ESRRG: variants seen among roughly 807,000 people sequenced by gnomAD.
ESRRG encodes estrogen related receptor gamma, also known as estrogen-related receptor gamma.
Under a neutral mutation model 44.0 loss-of-function variants are expected in ESRRG, and 13 were observed. The ratio of observed to expected loss-of-function variants is 0.30; its 90% CI spans 0.19 to 0.47. The LOEUF (loss-of-function observed/expected upper bound fraction) is 0.47, where lower values mean the gene tolerates loss of function less well. ESRRG is among the 20% of genes least tolerant of loss of function. The pLI is 1.00. For missense variants in ESRRG, 395 were observed against 580.6 expected (o/e 0.68, Z 3.29); for synonymous variants, 215 against 214.6 (o/e 1.00, Z -0.02).
chr1:217,049,943 C>G (rs1384380700), intron 1 of ESRRG, among the ~76,000 whole-genome samples: 2 of 152,182 alleles, frequency 1.3e-5, no homozygotes, highest in Non-Finnish European at 2.9e-5. Context: ...GACACAGATG[C>G]CATCATTCTG....
At chr1:216,809,778 C>A (rs2094912105) in intron 2 of ESRRG, among the ~76,000 whole-genome samples, 1 of 152,116 alleles carries the variant, frequency 6.6e-6, no homozygotes, top group Non-Finnish European at 1.5e-5. Context: ...TAGAGGAGGG[C>A]TCTCTGGAAG....
At chr1:216,638,214 A>C (rs903493741) in intron 3 of ESRRG, among the ~76,000 whole-genome samples, 11 of 152,196 alleles carry the variant, frequency 7.2e-5, no homozygotes, top group African/African-American at 2.7e-4. Flanking sequence ...ATGCTGTACC[A>C]AGAATATTAC....
At chr1:216,551,931 G>A (rs991323136) in intron 5 of ESRRG, among the ~76,000 whole-genome samples, 2 of 152,068 alleles carry the variant, frequency 1.3e-5, no homozygotes, top group Non-Finnish European at 2.9e-5. Context: ...TGTTGGCCAT[G>A]TTCCCCAATC....
chr1:216,706,455 C>T (rs953522549), intron 1 of ESRRG, among the ~76,000 whole-genome samples: 2 of 152,106 alleles, frequency 1.3e-5, no homozygotes, highest in Non-Finnish European at 2.9e-5. Context: ...GCTGTGCCCA[C>T]GTTGCAATAG....
At chr1:216,584,642 T>A (rs1047512469) in intron 3 of ESRRG, among the ~76,000 whole-genome samples, 1 of 152,206 alleles carries the variant, frequency 6.6e-6, no homozygotes. Flanking sequence ...ACTCAAATTA[T>A]TCCAGATTTT....
intron 2 of ESRRG, among the ~76,000 whole-genome samples, chr1:216,819,749 A>T (rs376140161): frequency 6.6e-6 from 1 of 152,124 alleles, no homozygotes; most frequent in African/African-American, 2.4e-5. Context: ...AGTTGTGGAC[A>T]TGGTTTGTTA....
intron 2 of ESRRG, among the ~76,000 whole-genome samples, chr1:216,741,347 T>C (rs969193858): frequency 6.6e-6 from 1 of 150,888 alleles, no homozygotes; most frequent in Non-Finnish European, 1.5e-5. Flanking sequence ...TCTTTATACC[T>C]GTTCACAATC....
chr1:216,771,922 G>T (rs2093401322), intron 2 of ESRRG, among the ~76,000 whole-genome samples: 1 of 151,024 alleles, frequency 6.6e-6, no homozygotes, highest in Non-Finnish European at 1.5e-5. Context: ...ATTATTCAGG[G>T]GCCTGAGTTC....
At chr1:216,746,022 C>A (rs1451156114) in intron 2 of ESRRG, among the ~76,000 whole-genome samples, 1 of 152,132 alleles carries the variant, frequency 6.6e-6, no homozygotes, top group Non-Finnish European at 1.5e-5. Flanking sequence ...GTTCTGAGAG[C>A]TTTACTTACA....
chr1:216,675,164 C>A (rs1458290827), intron 2 of ESRRG, among the ~76,000 whole-genome samples: 1 of 151,798 alleles, frequency 6.6e-6, no homozygotes, highest in East Asian at 2.0e-4. Context: ...AGTTCGAGAC[C>A]AGCCTGGCCA....
chr1:217,031,988 C>A (rs1033215405), intron 1 of ESRRG, among the ~76,000 whole-genome samples: 14 of 152,224 alleles, frequency 9.2e-5, no homozygotes, highest in Non-Finnish European at 1.9e-4. Flanking sequence ...CCACCGACTG[C>A]CCCAGTTTGC....
chr1:216,832,681 T>C (rs1010441625), intron 2 of ESRRG, among the ~76,000 whole-genome samples: 1 of 152,116 alleles, frequency 6.6e-6, no homozygotes, highest in African/African-American at 2.4e-5. Flanking sequence ...ATTCCTCTAC[T>C]GGCTGGGTGC....
At chr1:217,075,413 C>T (rs753765347) in intron 1 of ESRRG, among the ~76,000 whole-genome samples, 5 of 152,098 alleles carry the variant, frequency 3.3e-5, no homozygotes, top group Non-Finnish European at 7.3e-5. Flanking sequence ...AAACCCCAAC[C>T]CATGTCTGAC....
At chr1:217,100,738 G>A (rs192611868) in intron 1 of ESRRG, among the ~76,000 whole-genome samples, 99 of 152,292 alleles carry the variant, frequency 6.5e-4, no homozygotes, top group African/African-American at 2.2e-3. Context: ...GAGCAAGAGC[G>A]AGAAGTAAGA....
chr1:217,097,079 G>C (rs578236336), intron 1 of ESRRG, among the ~76,000 whole-genome samples: 2 of 152,130 alleles, frequency 1.3e-5, no homozygotes, highest in African/African-American at 2.4e-5. Context: ...GCTGGGTGTC[G>C]TGATGTGCAC....
intron 3 of ESRRG, among the ~76,000 whole-genome samples, chr1:216,634,160 T>C (rs1276168696): frequency 6.6e-6 from 1 of 152,198 alleles, no homozygotes; most frequent in Admixed American, 6.5e-5. Flanking sequence ...TGAAGCATAA[T>C]GCTTCAGGTA....
intron 1 of ESRRG, chr1:216,707,334 C>A: frequency 6.5e-7 from 1 of 1,535,262 alleles, no homozygotes; most frequent in Non-Finnish European, 8.7e-7. Flanking sequence ...ATCAAGTCTT[C>A]ACAAAGAAAA....
intron 1 of ESRRG, among the ~76,000 whole-genome samples, chr1:217,069,174 G>A (rs948764399): frequency 6.6e-6 from 1 of 152,068 alleles, no homozygotes; most frequent in Admixed American, 6.6e-5. Context: ...TATAAAGAAG[G>A]CAGAAAAACA....
intron 2 of ESRRG, among the ~76,000 whole-genome samples, chr1:216,792,243 A>G (rs2094341433): frequency 6.6e-6 from 1 of 152,136 alleles, no homozygotes; most frequent in African/African-American, 2.4e-5. Context: ...CTCATTTTAT[A>G]TCATATCCTC....
Sources: allele counts gnomAD v4.1 joint callset (sites outside exome capture counted in the v4.1 genomes callset), GRCh38; gene constraint gnomAD v4.1.1; transcripts MANE v1.5; gene names NCBI Gene and HGNC (gene_info 2026-07-23, HGNC 2026-07-21).